EPGN: variants seen among roughly 807,000 people sequenced by gnomAD.
The protein encoded by EPGN is epithelial mitogen, also known as epigen.
Under a neutral mutation model 20.7 loss-of-function variants are expected in EPGN, and 21 were observed. The ratio of observed to expected loss-of-function variants is 1.01; its 90% CI spans 0.72 to 1.46. The LOEUF (loss-of-function observed/expected upper bound fraction) is 1.46, where lower values mean the gene tolerates loss of function less well. EPGN is among the 40% of genes most tolerant of loss of function. The pLI, the probability that EPGN is intolerant of heterozygous loss-of-function variation, is 0.00. For missense variants in EPGN, 199 were observed against 180.7 expected (o/e 1.10, Z -0.58); for synonymous variants, 69 against 63.8 (o/e 1.08, Z -0.39).
At chr4:74,310,888 T>C (rs1231094424) in intron 2 of EPGN, among the ~76,000 whole-genome samples, 2 of 152,162 alleles carry the variant, frequency 1.3e-5, no homozygotes, top group Admixed American at 6.5e-5. Context: ...ACAAGAAAAG[T>C]CAGTACATGT....
At position 74,313,054 on chromosome 4, in the gene EPGN, C is replaced by T. The variant is rs754386404; in HGVS notation, c.291C>T (p.His97=). 6.2e-7 allele frequency: 1 copy of T among 1,612,204 alleles called. No individual in the cohort carries two copies. The highest frequency in any genetic ancestry group is 2.2e-5 in the East Asian group (1 of 44,712). ...FTGYTGERCE[H]LTLTSYAVDS... ...GTTATACTGGAGAAAGGTGTGAGCA[C>T]TTGACTTTAACTTCATATGCTGTGG... Residue 97 remains histidine, a synonymous_variant, in exon 4 of 5, where the codon CAC becomes CAT. Coordinates refer to ENST00000413830, the MANE Select transcript of EPGN (RefSeq NM_001270989.2).
At chr4:74,314,391 A>G (rs1751162278) in intron 4 of EPGN, 189 bp from the exon 5 acceptor site, 3 of 619,890 alleles carry the variant, frequency 4.8e-6, no homozygotes, top group African/African-American at 1.8e-5. Context: ...GGCTATGGGC[A>G]GACCTTGGGA....
At chr4:74,314,486 C>T (rs1465387408) in intron 4 of EPGN, 94 bp from the exon 5 acceptor site, 22 of 1,290,846 alleles carry the variant, frequency 1.7e-5, no homozygotes, top group Non-Finnish European at 2.4e-5. Context: ...GGGTGGGACA[C>T]CAAGAGCAAC....
At position 74,313,013 on chromosome 4, in the gene EPGN, T is replaced by A. The variant is rs762067449; in HGVS notation, c.255-5T>A. The A allele has an allele frequency of 2.5e-6, 4 of 1,581,176 alleles. No individual in the cohort carries two copies. The East Asian group carries it at 9.1e-5, about 36-fold the overall frequency. On this transcript the variant is annotated splice_polypyrimidine_tract_variant and splice_region_variant and intron_variant, in intron 3 of 4. Coordinates refer to ENST00000413830, the MANE Select transcript of EPGN (RefSeq NM_001270989.2). ...TAAAATTAAACTTTTTTTCTTTTTT[T>A]AAAGGTGTTTTACTGGTTATACTGG... is the stretch of plus-strand genomic sequence containing the variant.
chr4:74,313,513 A>T lies in EPGN; in HGVS notation c.407+343A>T, dbSNP rs968299420. ...TTCAAAATTGTATATTCAGTGACTTACACTATGCCTAGCACACAACACACA... is the reference window on the plus strand; with the variant it reads ...TTCAAAATTGTATATTCAGTGACTTTCACTATGCCTAGCACACAACACACA... On this transcript the variant is annotated intron_variant, in intron 4 of 4. Coordinates refer to ENST00000413830, the MANE Select transcript of EPGN (RefSeq NM_001270989.2). The T allele has an allele frequency of 2.6e-6, 3 of 1,144,058 alleles. No homozygotes were observed. The African/African-American group carries it at 4.8e-5, about 18-fold the overall frequency. 70.9% of individuals were successfully genotyped at this position (1,144,058 alleles called of 1,614,324 possible).
At chr4:74,312,072 C>T in intron 2 of EPGN, 113 bp from the exon 3 acceptor site, 1 of 1,233,208 alleles carries the variant, frequency 8.1e-7, no homozygotes, top group Admixed American at 2.6e-5. Context: ...TTAAAGGACA[C>T]AGCACCACCC....
At chr4:74,309,661 T>C (rs1169053354) in intron 2 of EPGN, among the ~76,000 whole-genome samples, 1 of 152,234 alleles carries the variant, frequency 6.6e-6, no homozygotes, top group Non-Finnish European at 1.5e-5. Context: ...TTTTAGCATA[T>C]GCTGTATTTC....
chr4:74,313,330 T>C, intron 4 of EPGN, 160 bp downstream of exon 4: 1 of 1,406,872 alleles, frequency 7.1e-7, no homozygotes, highest in Non-Finnish European at 9.1e-7. Context: ...TTCATGCCTT[T>C]TCTCATAAAC....
rs762145767 is a variant in EPGN, at chr4:74,315,158, T to A, written c.*521T>A. On this transcript the variant is annotated 3_prime_UTR_variant, in exon 5 of 5. Transcript: ENST00000413830. ...GTCAGCTTTTAGAATGAAATCAGTG[T>A]TAAGGTACCTCCAGTGAACCAAACA... 1 of 155,756 alleles carries A rather than the reference T, an allele frequency of 6.4e-6. No homozygotes were observed. The highest frequency in any genetic ancestry group is 1.4e-5 in the Non-Finnish European group (1 of 70,600). The allele number at this position is 155,756 out of a possible 1,614,324, so 9.6% of individuals were successfully genotyped here.
Position 74,314,994 on chromosome 4 carries a change from C to A in EPGN, c.*357C>A. On this transcript the variant is annotated 3_prime_UTR_variant, in exon 5 of 5. Transcript: ENST00000413830. ...AATAATAATCAACCTTGCAGCAAGC[C>A]AAAGCAATGCCTCGCTTGGGTTCTT... The A allele has an allele frequency of 4.3e-6, 1 of 230,868 alleles. No individual in the cohort carries two copies. Among genetic ancestry groups the A allele is most frequent in the Non-Finnish European group, 8.4e-6 (1 of 119,032 alleles). The allele number at this position is 230,868 out of a possible 1,614,324, so 14.3% of individuals were successfully genotyped here. A position where few individuals can be genotyped will look rare whatever the true frequency, so the allele number is the denominator to read the frequency against.
chr4:74,310,799 C>A (rs938107044), intron 2 of EPGN, among the ~76,000 whole-genome samples: 1 of 152,166 alleles, frequency 6.6e-6, no homozygotes, highest in African/African-American at 2.4e-5. Context: ...TACTTTAAAT[C>A]ATCCCTTGAT....
At position 74,315,894 on chromosome 4, in the gene EPGN, G is replaced by A. The variant is rs1751249447; in HGVS notation, c.*1257G>A. 1.3e-5 allele frequency among the ~76,000 whole-genome samples: 2 copies of A among 151,136 alleles called. No homozygotes were observed. Among genetic ancestry groups the A allele is most frequent in the South Asian group, 2.1e-4 (1 of 4,782 alleles). Reference sequence around the variant, plus strand: ...TTGAACCCAGGAGGCAGAGGTTGTAGTGAGCCGAGATGGCAACCCTGCACT... The same window carrying A: ...TTGAACCCAGGAGGCAGAGGTTGTAATGAGCCGAGATGGCAACCCTGCACT... On this transcript the variant is annotated 3_prime_UTR_variant, in exon 5 of 5. Coordinates refer to ENST00000413830, the MANE Select transcript of EPGN (RefSeq NM_001270989.2).
chr4:74,311,150 A>C (rs145136908), intron 2 of EPGN, among the ~76,000 whole-genome samples: 2 of 152,114 alleles, frequency 1.3e-5, no homozygotes, highest in Admixed American at 1.3e-4. Context: ...CTCTGGTATA[A>C]CTTTTCTTTA....
intron 4 of EPGN, 58 bp from the exon 5 acceptor site, chr4:74,314,522 T>G (rs1436880073): frequency 6.6e-7 from 1 of 1,505,142 alleles, no homozygotes; most frequent in African/African-American, 1.4e-5. Context: ...TTATGTAAGC[T>G]TCAATGACCT....
intron 2 of EPGN, 90 bp downstream of exon 2, chr4:74,309,272 T>G (rs1750737524): frequency 3.4e-6 from 3 of 876,998 alleles, no homozygotes; most frequent in Admixed American, 2.7e-5. Flanking sequence ...TTGGCCATTT[T>G]TAATATATAT....
chr4:74,314,177 C>T (rs1301263836), intron 4 of EPGN: 2 of 462,602 alleles, frequency 4.3e-6, no homozygotes, highest in South Asian at 3.1e-5. Context: ...CAAGAAGAAG[C>T]TAAGCAAAGA....
chr4:74,312,164 C>T (rs1750999549), intron 2 of EPGN, 21 bp from the exon 3 acceptor site: 4 of 1,576,512 alleles, frequency 2.5e-6, no homozygotes, highest in Non-Finnish European at 3.4e-6. Flanking sequence ...CATTTGCTAA[C>T]ATTGTATCTC....
At chr4:74,313,286 C>G (rs1444177761) in intron 4 of EPGN, 116 bp downstream of exon 4, 1 of 1,421,030 alleles carries the variant, frequency 7.0e-7, no homozygotes, top group Non-Finnish European at 9.1e-7. Context: ...TAAAAAAGAG[C>G]TGTAATCTGG....
At chr4:74,309,057 C>T (rs202111270) in intron 1 of EPGN, 36 bp from the exon 2 acceptor site, 20 of 1,471,296 alleles carry the variant, frequency 1.4e-5, no homozygotes, top group African/African-American at 1.3e-4. Flanking sequence ...TAGAAGGAGG[C>T]TCTCTGTTAA....
Sources: allele counts gnomAD v4.1 joint callset (sites outside exome capture counted in the v4.1 genomes callset), GRCh38; gene constraint gnomAD v4.1.1; transcripts MANE v1.5; gene names NCBI Gene and HGNC (gene_info 2026-07-23, HGNC 2026-07-21).